CYFIP1: variants seen among roughly 807,000 people sequenced by gnomAD.
CYFIP1 encodes the protein cytoplasmic FMR1-interacting protein 1.
A neutral mutation model predicts 163.5 loss-of-function variants in CYFIP1; 58 were observed. The ratio of observed to expected loss-of-function variants is 0.35; its 90% CI spans 0.29 to 0.44. CYFIP1 has a LOEUF of 0.44. Among genes scored for constraint, CYFIP1 ranks in the 20% least tolerant of loss-of-function variants. CYFIP1 has a pLI of 1.00. For synonymous variants in CYFIP1, 663 were observed against 660.7 expected (o/e 1.00, Z -0.05); for missense variants, 1,338 against 1,653.8 (o/e 0.81, Z 3.31).
chr15:22,963,451 T>C (rs901490116), intron 1 of CYFIP1, among the ~76,000 whole-genome samples: 1 of 150,020 alleles, frequency 6.7e-6, no homozygotes, highest in Non-Finnish European at 1.5e-5. Flanking sequence ...GACTGTGCCA[T>C]TGCACTCCAG....
chr15:22,917,001 G>C lies in CYFIP1; in HGVS notation c.1675-371C>G. Reference sequence around the variant, plus strand: ...CCTGAGCAGCTCGGCAGAGCCCAAGGACTCGGCCATGGTGCGCACCAGGTA... The same window carrying C: ...CCTGAGCAGCTCGGCAGAGCCCAAGCACTCGGCCATGGTGCGCACCAGGTA... On this transcript the variant is annotated intron_variant, in intron 15 of 30. Transcript: ENST00000617928. This position sits in a 1 kb window ranked among gnomAD's most constrained non-coding sequence, Gnocchi z 4.2. The C allele has an allele frequency of 1.3e-6, 2 of 1,550,812 alleles. No homozygotes were observed. Among genetic ancestry groups the C allele is most frequent in the Admixed American group, 2.0e-5 (1 of 50,824 alleles).
rs935745353 is a variant in CYFIP1 at position 22,869,401 on chromosome 15, G to A, written c.*627C>T. ...CCATCCCAGCTGGCCTGGTATGTGAGTTCAGGTTAGAGTTCCTTGCCAAGC... is the reference window on the plus strand; with the variant it reads ...CCATCCCAGCTGGCCTGGTATGTGAATTCAGGTTAGAGTTCCTTGCCAAGC... On this transcript the variant is annotated 3_prime_UTR_variant, in exon 31 of 31. Coordinates refer to ENST00000617928, the MANE Select transcript of CYFIP1 (RefSeq NM_014608.6). The A allele has an allele frequency of 6.6e-6, 1 of 152,248 alleles. No homozygotes were observed. The highest frequency in any genetic ancestry group is 1.5e-5 in the Non-Finnish European group (1 of 68,102). 9.4% of individuals were successfully genotyped at this position (152,248 alleles called of 1,614,324 possible).
intron 23 of CYFIP1, among the ~76,000 whole-genome samples, chr15:22,890,906 A>G (rs2060062931): frequency 6.6e-6 from 1 of 152,128 alleles, no homozygotes; most frequent in Non-Finnish European, 1.5e-5. Context: ...AGCCTGTCCC[A>G]TGTTCTCCAG....
chr15:22,869,605 G>C lies in CYFIP1; in HGVS notation c.*423C>G, dbSNP rs7733. 0.12 allele frequency: 17,937 copies of C among 154,020 alleles called. 1,781 individuals are homozygous for C. Among genetic ancestry groups the C allele is most frequent in the East Asian group, 0.29 (1,492 of 5,230 alleles). 9.5% of individuals were successfully genotyped at this position (154,020 alleles called of 1,614,324 possible). On this transcript the variant is annotated 3_prime_UTR_variant, in exon 31 of 31. Transcript: ENST00000617928. ...AAAAAGGGATGGGAACAATGACTTA[G>C]AACTAAGATTGCTCATAAAAGACCA...
At chr15:22,949,968 A>T (rs1420960145) in intron 1 of CYFIP1, among the ~76,000 whole-genome samples, 2 of 152,126 alleles carry the variant, frequency 1.3e-5, no homozygotes, top group African/African-American at 2.4e-5. Context: ...GCCTCTTTTA[A>T]AAAAAGAAAA....
intron 22 of CYFIP1, among the ~76,000 whole-genome samples, chr15:22,899,302 T>C (rs2060325698): frequency 6.6e-6 from 1 of 152,088 alleles, no homozygotes; most frequent in Admixed American, 6.6e-5. Context: ...GAATTGGAAA[T>C]ATCAGTATAA....
intron 1 of CYFIP1, among the ~76,000 whole-genome samples, chr15:22,964,157 C>CTTTT (rs56861965): frequency 7.4e-6 from 1 of 134,656 alleles, no homozygotes. Context: ...ACTTCACATA[C>CTTTT]TTTTTTTTTT....
chr15:22,939,940 G>A lies in CYFIP1; in HGVS notation c.570-433C>T, dbSNP rs7170344. On this transcript the variant is annotated intron_variant, in intron 6 of 30. Transcript: ENST00000617928. The stretch of plus-strand genomic sequence containing the variant: ...CCAGCACTGCTGAGGTTCTCTGCTG[G>A]GAACCCTCTGGACCACACCTCCCCA... Among the ~76,000 whole-genome samples, 463 of 152,264 alleles carry A rather than the reference G, an allele frequency of 3.0e-3. 4 individuals are homozygous for A. Among genetic ancestry groups the A allele is most frequent in the African/African-American group, 0.011 (450 of 41,540 alleles).
chr15:22,880,579 G>A (rs1355295120), intron 25 of CYFIP1, among the ~76,000 whole-genome samples: 3 of 152,200 alleles, frequency 2.0e-5, no homozygotes, highest in Non-Finnish European at 2.9e-5. Flanking sequence ...GCAAATATGG[G>A]ACAGAAGGCC....
rs1466654996 is a variant in CYFIP1, at chr15:22,870,032, C to T, written c.3758G>A (p.Ser1253Asn). 8 of 1,599,380 alleles carry T rather than the reference C, an allele frequency of 5.0e-6. No homozygotes were observed. In the Middle Eastern group the frequency reaches 6.7e-4, roughly 133 times the overall value. ...TACGGAGTGCAGCGCGTGCCCTCAG[C>T]TGCTGGCGAGGGACTGGTGGATGGG... ...QPPIHQSLAS[S>N] Residue 1253 changes from serine (S) to asparagine (N), a missense_variant, in exon 31 of 31, where the codon AGC (serine) becomes AAC (asparagine). Around this residue, in one of 4 missense-constraint regions of CYFIP1, gnomAD observed 306 missense variants for 322.1 expected, o/e 0.95. Transcript: ENST00000617928.
intron 10 of CYFIP1, among the ~76,000 whole-genome samples, chr15:22,933,508 G>A (rs921885638): frequency 6.6e-6 from 1 of 151,578 alleles, no homozygotes; most frequent in East Asian, 2.0e-4. Context: ...TAGAGACGGG[G>A]TTTCACCGTG....
At chr15:22,947,130 G>A in intron 2 of CYFIP1, 38 bp from the exon 3 acceptor site, 2 of 1,614,120 alleles carry the variant, frequency 1.2e-6, no homozygotes, top group Middle Eastern at 1.6e-4. Context: ...TGTGGGGTCG[G>A]AGCACAGGCT....
chr15:22,898,778 C>T (rs1046687208), intron 22 of CYFIP1, among the ~76,000 whole-genome samples: 4 of 151,802 alleles, frequency 2.6e-5, no homozygotes, highest in South Asian at 2.1e-4. Context: ...CTGAGGTGGG[C>T]GGATTATGAG....
intron 25 of CYFIP1, among the ~76,000 whole-genome samples, chr15:22,880,439 G>T (rs1328870348): frequency 6.6e-6 from 1 of 152,224 alleles, no homozygotes; most frequent in Non-Finnish European, 1.5e-5. Flanking sequence ...CTGAGAAAGG[G>T]CATCTAGGAA....
chr15:22,908,518 C>CTTTTTTTT lies in CYFIP1; in HGVS notation c.2388+668_2388+675dup, dbSNP rs58565266. 1.5e-3 allele frequency among the ~76,000 whole-genome samples: 111 copies of CTTTTTTTT among 75,492 alleles called. 17 individuals carry two copies. Among genetic ancestry groups the CTTTTTTTT allele is most frequent in the African/African-American group, 6.0e-3 (100 of 16,768 alleles). 49.5% of individuals were successfully genotyped at this position (75,492 alleles called of 152,430 possible). A position where few individuals can be genotyped will look rare whatever the true frequency, so the allele number is the denominator to read the frequency against. ...CTCTTGGTCCCTAAAGAAGATATTT[C>CTTTTTTTT]TTTTTTTTTTTTTTTTTTTTTTTTT... On this transcript the variant is annotated intron_variant, in intron 21 of 30. Transcript: ENST00000617928.
chr15:22,885,212 A>T (rs112518409), intron 23 of CYFIP1, among the ~76,000 whole-genome samples: 5,440 of 152,216 alleles, frequency 0.036, 244 homozygotes, highest in African/African-American at 0.11. Context: ...CAAATTTTCC[A>T]AACTTTTATA....
At chr15:22,882,624 G>A (rs1313900575) in intron 24 of CYFIP1, among the ~76,000 whole-genome samples, 3 of 152,176 alleles carry the variant, frequency 2.0e-5, no homozygotes, top group Non-Finnish European at 4.4e-5. Flanking sequence ...GAGCAACATA[G>A]CAAGACCCCC....
chr15:22,913,666 G>A (rs1481832044), intron 17 of CYFIP1, among the ~76,000 whole-genome samples: 1 of 144,018 alleles, frequency 6.9e-6, no homozygotes, highest in Non-Finnish European at 1.5e-5. Flanking sequence ...AGCTCACCAG[G>A]AGCATGTCCA....
chr15:22,922,048 T>C (rs1267774153), intron 13 of CYFIP1, among the ~76,000 whole-genome samples: 1 of 151,654 alleles, frequency 6.6e-6, no homozygotes, highest in African/African-American at 2.4e-5. Context: ...CAGGAAAGGG[T>C]TAACTCAGCA....
Sources: gnomAD v4.1 joint callset for allele counts (sites outside exome capture counted in the v4.1 genomes callset) on GRCh38, gnomAD v4.1.1 for gene constraint, gnomAD v4.1.1 regional missense constraint, Gnocchi (gnomAD v3.1) non-coding constraint, MANE v1.5 for transcripts, NCBI Gene and HGNC (gene_info 2026-07-23, HGNC 2026-07-21) for gene names.